ARHGAP25: variants seen among roughly 807,000 people sequenced by gnomAD.
ARHGAP25 encodes rho GTPase-activating protein 25.
ARHGAP25 carries 34 observed loss-of-function variants against 71.0 expected under a neutral mutation model. The ratio of observed to expected loss-of-function variants is 0.48; its 90% CI spans 0.36 to 0.64. The LOEUF (loss-of-function observed/expected upper bound fraction) is 0.64, where lower values mean the gene tolerates loss of function less well. Among genes scored for constraint, ARHGAP25 ranks in the 30% least tolerant of loss-of-function variants. The probability of loss-of-function intolerance (pLI) is 0.00; values close to 1 mark genes in which losing one functional copy is unlikely to be tolerated. For synonymous variants in ARHGAP25, 282 were observed against 296.5 expected, an observed-to-expected ratio of 0.95 and a Z score of 0.50; for missense variants, 706 against 805.1, an observed-to-expected ratio of 0.88 and a Z score of 1.49.
At chr2:68,775,515 A>C in intron 2 of ARHGAP25, 95 bp downstream of exon 2, 1 of 1,569,118 alleles carries the variant, frequency 6.4e-7, no homozygotes. Flanking sequence ...GGCCTTCTCA[A>C]TAGGACCAGA....
chr2:68,714,084 G>T (rs1251471692), intron 2 of ARHGAP25, among the ~76,000 whole-genome samples: 1 of 151,948 alleles, frequency 6.6e-6, no homozygotes, highest in Non-Finnish European at 1.5e-5. Context: ...TTGTACCTCT[G>T]GTAGAGTTTG....
upstream of ARHGAP25, among the ~76,000 whole-genome samples, chr2:68,731,555 C>T (rs1675020455): frequency 6.6e-6 from 1 of 152,024 alleles, no homozygotes; most frequent in South Asian, 2.1e-4. Flanking sequence ...GTTTACCTGC[C>T]CTGTGTGATC....
intron 1 of ARHGAP25, among the ~76,000 whole-genome samples, chr2:68,758,112 G>A (rs900437440): frequency 7.2e-5 from 11 of 151,802 alleles, no homozygotes; most frequent in African/African-American, 1.9e-4. Context: ...TAATATAGAC[G>A]TACACAAACA....
intron 2 of ARHGAP25, among the ~76,000 whole-genome samples, chr2:68,780,678 C>G (rs773411029): frequency 6.6e-6 from 1 of 151,774 alleles, no homozygotes; most frequent in African/African-American, 2.4e-5. Context: ...TTCTCCTGCC[C>G]TTTCTGTTCC....
intron 3 of ARHGAP25, among the ~76,000 whole-genome samples, chr2:68,785,329 G>A (rs1678670417): frequency 6.6e-6 from 1 of 152,202 alleles, no homozygotes; most frequent in Admixed American, 6.5e-5. Flanking sequence ...AGATCAGTGA[G>A]GAGGCTTTTG....
chr2:68,790,772 G>T (rs12477343), intron 4 of ARHGAP25, among the ~76,000 whole-genome samples: 46,936 of 152,040 alleles, frequency 0.31, 7,768 homozygotes, highest in East Asian at 0.37. Flanking sequence ...TCGACAGAGC[G>T]GCCAGAGTGA....
At chr2:68,722,223 A>T (rs1055479948) in intron 2 of ARHGAP25, among the ~76,000 whole-genome samples, 11 of 152,356 alleles carry the variant, frequency 7.2e-5, no homozygotes, top group Admixed American at 3.3e-4. Flanking sequence ...AATAAGCCAC[A>T]AGCTCTAAGG....
intron 1 of ARHGAP25, among the ~76,000 whole-genome samples, chr2:68,737,514 A>G (rs1171870086): frequency 1.3e-5 from 2 of 152,178 alleles, no homozygotes; most frequent in Admixed American, 1.3e-4. Flanking sequence ...CCCCCCTACC[A>G]CTACCAGTTG....
upstream of ARHGAP25, among the ~76,000 whole-genome samples, chr2:68,734,556 G>A (rs561306018): frequency 1.5e-4 from 23 of 152,206 alleles, no homozygotes; most frequent in Non-Finnish European, 2.1e-4. Flanking sequence ...TGCTTGATCC[G>A]TTAGGTGAGG....
chr2:68,719,443 A>G, intron 2 of ARHGAP25, among the ~76,000 whole-genome samples: 1 of 151,330 alleles, frequency 6.6e-6, no homozygotes, highest in Non-Finnish European at 1.5e-5. Context: ...AAAAAAAAAA[A>G]GAAAAAAAAC....
chr2:68,793,235 C>G (rs1679316195), intron 4 of ARHGAP25, among the ~76,000 whole-genome samples: 1 of 152,140 alleles, frequency 6.6e-6, no homozygotes, highest in African/African-American at 2.4e-5. Flanking sequence ...TGTCTGTTCA[C>G]TCTGTTGATT....
chr2:68,753,105 G>A (rs551479891), intron 1 of ARHGAP25, among the ~76,000 whole-genome samples: 2 of 152,254 alleles, frequency 1.3e-5, no homozygotes, highest in South Asian at 4.1e-4. Context: ...CCACCCCCCA[G>A]TTGAGAACTA....
rs1334556091 is a variant in ARHGAP25 at position 68,782,213 on chromosome 2, C to A, written c.262-20C>A. ...ATTAAATTGCTGCTTATCCTTAAGG[C>A]CTGACTTTTCATCTTTCAGGGCTGC... On this transcript the variant is annotated intron_variant, in intron 2 of 10. Transcript: ENST00000409202. The A allele has an allele frequency of 1.9e-6, 3 of 1,610,676 alleles. No individual in the cohort carries two copies. The highest frequency in any genetic ancestry group is 2.7e-5 in the African/African-American group (2 of 74,798).
intron 1 of ARHGAP25, among the ~76,000 whole-genome samples, chr2:68,769,792 G>A (rs1234964338): frequency 6.7e-6 from 1 of 149,830 alleles, no homozygotes; most frequent in East Asian, 2.0e-4. Flanking sequence ...CAAATTGGAT[G>A]TAGGTGGGGG....
intron 1 of ARHGAP25, among the ~76,000 whole-genome samples, chr2:68,738,927 T>C (rs1675366191): frequency 3.3e-5 from 5 of 152,324 alleles, no homozygotes; most frequent in Admixed American, 2.6e-4. Context: ...ATGCAGAGGT[T>C]ACATTGCCAT....
chr2:68,822,588 C>G lies in ARHGAP25; in HGVS notation c.1449C>G (p.His483Gln). The G allele has an allele frequency of 6.2e-7, 1 of 1,614,146 alleles. No individual in the cohort carries two copies. The highest frequency in any genetic ancestry group is 8.5e-7 in the Non-Finnish European group (1 of 1,180,026). The change falls in exon 10 of 11, where the codon CAC becomes CAG. Residue 483 changes from histidine (H) to glutamine (Q), a missense_variant. By Grantham distance (24) the His-to-Gln change is conservative. Transcript: ENST00000409202. ...CAGAGGCTAAGGCAGGGGAAGGGCA[C>G]AGGAGAACGATGTCTCAAGACTTGC... ...PSSEAKAGEGHRRTMSQDLRQ... is the reference protein window; with the variant it reads ...PSSEAKAGEGQRRTMSQDLRQ...
chr2:68,766,381 A>C (rs1677125593), intron 1 of ARHGAP25, among the ~76,000 whole-genome samples: 1 of 152,212 alleles, frequency 6.6e-6, no homozygotes, highest in South Asian at 2.1e-4. Flanking sequence ...CCTTGTGCTG[A>C]GGAAGAGGCA....
intron 4 of ARHGAP25, among the ~76,000 whole-genome samples, chr2:68,799,080 G>T (rs1268416472): frequency 6.6e-6 from 1 of 152,190 alleles, no homozygotes; most frequent in East Asian, 1.9e-4. Context: ...ACAGATGGTG[G>T]GTTGGACACG....
chr2:68,739,276 T>C (rs1295471772), intron 1 of ARHGAP25, among the ~76,000 whole-genome samples: 1 of 152,226 alleles, frequency 6.6e-6, no homozygotes, highest in African/African-American at 2.4e-5. Context: ...TCTTATTGCC[T>C]ATGTGTCTGA....
Sources: allele counts gnomAD v4.1 joint callset (sites outside exome capture counted in the v4.1 genomes callset), GRCh38; gene constraint gnomAD v4.1.1; transcripts MANE v1.5; gene names NCBI Gene and HGNC (gene_info 2026-07-23, HGNC 2026-07-21).